The following NARF variants were observed in gnomAD, a reference collection of about 807,000 sequenced individuals.
NARF encodes the protein nuclear prelamin A recognition factor.
A neutral mutation model predicts 48.0 loss-of-function variants in NARF; 41 were observed. That is an observed-to-expected ratio of 0.85 (90% confidence interval 0.66 to 1.11). The LOEUF (loss-of-function observed/expected upper bound fraction) is 1.11. Ranked by LOEUF, NARF falls within the 50% of genes least tolerant of loss-of-function variation. The pLI, the probability that NARF is intolerant of heterozygous loss-of-function variation, is 0.00. For synonymous variants in NARF, 215 were observed against 225.5 expected (o/e 0.95, Z 0.42); for missense variants, 613 against 590.2 (o/e 1.04, Z -0.40).
chr17:82,481,886 A>G (rs1007373761), intron 7 of NARF: 39 of 337,910 alleles, frequency 1.2e-4, no homozygotes, highest in Non-Finnish European at 2.1e-4. Flanking sequence ...CCAAGTCTGC[A>G]CTTAAAACAC....
intron 3 of NARF, among the ~76,000 whole-genome samples, chr17:82,467,079 C>T (rs1359786324): frequency 6.6e-6 from 1 of 152,004 alleles, no homozygotes; most frequent in East Asian, 1.9e-4. Context: ...TGGAGTCTCA[C>T]TCTGTCGCCC....
chr17:82,464,236 A>C, intron 2 of NARF, 51 bp from the exon 3 acceptor site: 1 of 1,585,876 alleles, frequency 6.3e-7, no homozygotes, highest in South Asian at 1.1e-5. Flanking sequence ...CTAAAGAAGC[A>C]CATTAAAGAG....
chr17:82,459,736 G>T (rs896429764), intron 1 of NARF, among the ~76,000 whole-genome samples: 1 of 152,062 alleles, frequency 6.6e-6, no homozygotes, highest in Non-Finnish European at 1.5e-5. Context: ...GGGTGTGGTG[G>T]CGCACACCTG....
At chr17:82,461,623 G>A (rs1174737673) in intron 2 of NARF, among the ~76,000 whole-genome samples, 4 of 152,112 alleles carry the variant, frequency 2.6e-5, no homozygotes, top group African/African-American at 7.2e-5. Flanking sequence ...AAAAAAGAAT[G>A]TCATTTTACA....
chr17:82,486,546 G>T (rs1030075614), intron 10 of NARF, among the ~76,000 whole-genome samples: 20 of 152,230 alleles, frequency 1.3e-4, no homozygotes, highest in South Asian at 6.2e-4. Context: ...ACAAGAGGAG[G>T]GTGAGGGCAG....
chr17:82,458,728 G>A (rs914976983), upstream of NARF: 4 of 1,441,862 alleles, frequency 2.8e-6, no homozygotes, highest in Non-Finnish European at 3.6e-6. Flanking sequence ...GGCCGCGGGC[G>A]GCGGGCAGTG....
chr17:82,459,943 AG>A (rs1567925727), intron 1 of NARF, 48 bp from the exon 2 acceptor site: 2 of 1,388,492 alleles, frequency 1.4e-6, no homozygotes, highest in Non-Finnish European at 2.0e-6. Context: ...CATTTTCTTA[AG>A]GGAGACGAAG....
chr17:82,478,798 A>T lies in NARF; in HGVS notation c.521-2A>T. 1 of 1,613,038 alleles carries T rather than the reference A, an allele frequency of 6.2e-7. No homozygotes were observed. Among genetic ancestry groups the T allele is most frequent in the Non-Finnish European group, 8.5e-7 (1 of 1,179,440 alleles). On this transcript the variant is annotated splice_acceptor_variant, in intron 5 of 10. Transcript: ENST00000309794. LOFTEE classifies it high-confidence loss of function. ...CTGACCGTGGATCCCTTCTCTCCCC[A>T]GGCTGGGTCCGATACGCCGAGCGGG...
intron 6 of NARF, 131 bp from the exon 7 acceptor site, chr17:82,480,951 A>C: frequency 1.3e-6 from 1 of 755,510 alleles, no homozygotes; most frequent in Non-Finnish European, 2.0e-6. Flanking sequence ...AAAAAAAAAG[A>C]GTGCAGCATG....
chr17:82,486,973 G>A (rs2044109149), intron 10 of NARF, among the ~76,000 whole-genome samples: 2 of 152,208 alleles, frequency 1.3e-5, no homozygotes, highest in African/African-American at 2.4e-5. Context: ...AGCTGCCTCT[G>A]GTGCAGCCTC....
At chr17:82,474,550 T>G (rs2043791235) in intron 5 of NARF, among the ~76,000 whole-genome samples, 1 of 152,254 alleles carries the variant, frequency 6.6e-6, no homozygotes, top group Admixed American at 6.5e-5. Flanking sequence ...GAGAGCTCTA[T>G]CTAAGCTAGT....
chr17:82,462,274 C>A (rs2043456648), intron 2 of NARF, among the ~76,000 whole-genome samples: 1 of 151,382 alleles, frequency 6.6e-6, no homozygotes, highest in Non-Finnish European at 1.5e-5. Context: ...AGGGCACTGG[C>A]ACACCAGGCA....
At position 82,485,503 on chromosome 17, in the gene NARF, A is replaced by T; in HGVS notation, c.978A>T (p.Lys326Asn). The change falls in exon 10 of 11, where the codon AAA becomes AAT. Residue 326 changes from lysine to asparagine, a missense_variant. Physicochemically the swap from Lys to Asn is moderately conservative, Grantham distance 94. Coordinates refer to ENST00000309794, the MANE Select transcript of NARF (RefSeq NM_012336.4). The stretch of plus-strand genomic sequence containing the variant: ...CTCTGTGTTCATTTTGTAGAAACAA[A>T]GACTTCCAAGAGGTCACCCTTGAGA... ...EEVTYRALRN[K>N]DFQEVTLEKN... The T allele has an allele frequency of 6.2e-7, 1 of 1,614,018 alleles. No individual in the cohort carries two copies.
At chr17:82,460,915 A>ATTTTTTTTTTTTTTTTTTTTTTTT (rs137987200) in intron 2 of NARF, 4 of 149,734 alleles carry the variant, frequency 2.7e-5, no homozygotes, top group African/African-American at 9.9e-5. Flanking sequence ...TCTTCTTTTA[A>ATTTTTTTTTTTTTTTTTTTTTTTT]TTTTTTTTTT....
At position 82,481,190 on chromosome 17, in the gene NARF, G is replaced by T. The variant is rs200008071; in HGVS notation, c.748G>T (p.Ala250Ser). 1 of 1,614,000 alleles carries T rather than the reference G, an allele frequency of 6.2e-7. No homozygotes were observed. The highest frequency in any genetic ancestry group is 1.1e-5 in the South Asian group (1 of 91,080). ...CCCTGCTTTGCATGGCTCCCGGGGC[G>T]CTGACTGCGTGTTAACATCAGGTGA... ...LPPALHGSRG[A>S]DCVLTSGEIA... is the part of the protein sequence containing the mutation. The change falls in exon 7 of 11, where the codon GCT (alanine) becomes TCT (serine). Residue 250 changes from alanine to serine, a missense_variant. Transcript: ENST00000309794.
rs973719444 is a variant in NARF, at chr17:82,488,287, C to T, written c.*130C>T. The stretch of plus-strand genomic sequence containing the variant: ...GCTCAATGGATTACTTTGGTTTCTC[C>T]GAGTTCCCTGCTACCCCGTTTATTG... On this transcript the variant is annotated 3_prime_UTR_variant, in exon 11 of 11. Transcript: ENST00000309794. The T allele has an allele frequency of 7.2e-6, 10 of 1,388,274 alleles. No individual in the cohort carries two copies. In the African/African-American group the frequency reaches 7.3e-5, roughly 10 times the overall value. 86.0% of individuals were successfully genotyped at this position (1,388,274 alleles called of 1,614,324 possible).
chr17:82,458,978 TGGAGGCGGCCGGCGCG>T, intron 1 of NARF, 148 bp downstream of exon 1: 1 of 1,215,802 alleles, frequency 8.2e-7, no homozygotes, highest in Non-Finnish European at 1.0e-6. Context: ...CCGCTCGGCG[TGGAGGCGGCCGGCGCG>T]GGGTCCGCTG....
intron 5 of NARF, chr17:82,478,599 G>A (rs2143919360): frequency 3.0e-6 from 2 of 662,262 alleles, no homozygotes; most frequent in Middle Eastern, 4.8e-4. Flanking sequence ...GTAGCCTCCA[G>A]GCCTGCAGGT....
intron 5 of NARF, among the ~76,000 whole-genome samples, chr17:82,474,077 A>T (rs1358453454): frequency 6.6e-6 from 1 of 152,124 alleles, no homozygotes; most frequent in Non-Finnish European, 1.5e-5. Flanking sequence ...CACAGCTACT[A>T]CGAATCCTAG....
Sources: gnomAD v4.1 joint callset for allele counts (sites outside exome capture counted in the v4.1 genomes callset) on GRCh38, gnomAD v4.1.1 for gene constraint, MANE v1.5 for transcripts, NCBI Gene and HGNC (gene_info 2026-07-23, HGNC 2026-07-21) for gene names.